Variants in FER observed in about 807,000 individuals in gnomAD.
FER encodes FER tyrosine kinase.
FER carries 63 observed loss-of-function variants against 111.0 expected under a neutral mutation model. The observed-to-expected ratio is 0.57, with a 90% CI of 0.46 to 0.70. The LOEUF (loss-of-function observed/expected upper bound fraction) is 0.70, where lower values mean the gene tolerates loss of function less well. FER is among the 30% of genes least tolerant of loss of function. The pLI is 0.00. For synonymous variants in FER, 327 were observed against 313.9 expected (o/e 1.04, Z -0.44); for missense variants, 914 against 954.0 (o/e 0.96, Z 0.55).
intron 13 of FER, among the ~76,000 whole-genome samples, chr5:108,976,385 A>G (rs1761341427): frequency 6.6e-6 from 1 of 152,180 alleles, no homozygotes. Flanking sequence ...TTGTGAAGCA[A>G]TGCAGGCCTC....
rs1357867483 is a variant in FER at position 108,970,024 on chromosome 5, A to G, written c.1656+10677A>G. Among the ~76,000 whole-genome samples the G allele has an allele frequency of 2.0e-5, 3 of 147,848 alleles. 1 individual carries two copies. The highest frequency in any genetic ancestry group is 8.0e-5 in the African/African-American group (3 of 37,306). On this transcript the variant is annotated intron_variant, in intron 13 of 19. Coordinates refer to ENST00000281092, the MANE Select transcript of FER (RefSeq NM_005246.4). ...GCTAATGTTTTGTAGAACACTATAG[A>G]GCAATGTTTTAAAAACTATTTTTCC...
At chr5:109,072,394 G>A (rs976790035) in intron 16 of FER, among the ~76,000 whole-genome samples, 1 of 149,254 alleles carries the variant, frequency 6.7e-6, no homozygotes, top group Non-Finnish European at 1.5e-5. Flanking sequence ...GGCAACAACC[G>A]CGATTACTTC....
intron 13 of FER, among the ~76,000 whole-genome samples, chr5:108,983,953 C>G (rs1438111515): frequency 6.6e-6 from 1 of 152,108 alleles, no homozygotes; most frequent in Non-Finnish European, 1.5e-5. Flanking sequence ...TTCTTGGTTT[C>G]TTTCATGCAG....
intron 8 of FER, 139 bp downstream of exon 8, chr5:108,872,351 A>G: frequency 1.4e-6 from 1 of 723,182 alleles, no homozygotes; most frequent in Non-Finnish European, 2.1e-6. Context: ...GTTTTGAGAA[A>G]TATGTTAATT....
Position 109,163,110 on chromosome 5 carries a change from C to A in FER, c.2049-17637C>A, listed in dbSNP as rs548224753. The stretch of plus-strand genomic sequence containing the variant: ...CTATGATCTCTAATGTCTAAATGAT[C>A]GACATTTAGATCATTTCATTAGAAC... On this transcript the variant is annotated intron_variant, in intron 17 of 19. Transcript: ENST00000281092. 4.6e-5 allele frequency among the ~76,000 whole-genome samples: 7 copies of A among 151,948 alleles called. No individual in the cohort carries two copies. The South Asian group carries it at 1.0e-3, about 23-fold the overall frequency.
At chr5:109,049,688 T>C (rs1772480837) in intron 16 of FER, among the ~76,000 whole-genome samples, 1 of 152,140 alleles carries the variant, frequency 6.6e-6, no homozygotes, top group Non-Finnish European at 1.5e-5. Flanking sequence ...TAGTTTAACA[T>C]GGAATGTCAA....
chr5:108,944,135 AC>A (rs1756659237), intron 10 of FER, among the ~76,000 whole-genome samples: 1 of 151,918 alleles, frequency 6.6e-6, no homozygotes, highest in Admixed American at 6.6e-5. Flanking sequence ...ACACACACAC[AC>A]ACACAAACAC....
intron 1 of FER, among the ~76,000 whole-genome samples, chr5:108,749,166 C>G (rs1750134036): frequency 6.6e-6 from 1 of 152,052 alleles, no homozygotes; most frequent in South Asian, 2.1e-4. Context: ...TTCCTCCGCC[C>G]TCAGCCAGCG....
At chr5:109,165,400 G>A (rs1008407201) in intron 17 of FER, among the ~76,000 whole-genome samples, 15 of 152,078 alleles carry the variant, frequency 9.9e-5, no homozygotes, top group Admixed American at 3.3e-4. Flanking sequence ...TAGAATCCTC[G>A]GAGTATGGCA....
chr5:108,839,533 C>T (rs1761021743), intron 5 of FER, among the ~76,000 whole-genome samples: 1 of 150,762 alleles, frequency 6.6e-6, no homozygotes, highest in East Asian at 1.9e-4. Flanking sequence ...AGAAAGTAGC[C>T]ACAGAGAAAT....
intron 10 of FER, 129 bp from the exon 11 acceptor site, chr5:108,946,001 C>T (rs949283178): frequency 3.4e-6 from 2 of 589,502 alleles, no homozygotes; most frequent in Non-Finnish European, 5.9e-6. Flanking sequence ...TCTTGAATGT[C>T]AGGAAGTTTA....
At chr5:108,966,237 G>A (rs567712239) in intron 13 of FER, among the ~76,000 whole-genome samples, 60 of 151,942 alleles carry the variant, frequency 3.9e-4, no homozygotes, top group African/African-American at 1.4e-3. Context: ...AAGGGAAATG[G>A]GCATAGGCAG....
At chr5:109,156,291 A>G (rs913070266) in intron 17 of FER, among the ~76,000 whole-genome samples, 2 of 152,068 alleles carry the variant, frequency 1.3e-5, no homozygotes, top group African/African-American at 4.8e-5. Context: ...TAAGGTGGAC[A>G]GGGTTTTTCA....
intron 13 of FER, among the ~76,000 whole-genome samples, chr5:109,001,836 A>G (rs1232170347): frequency 1.3e-5 from 2 of 151,588 alleles, no homozygotes; most frequent in Non-Finnish European, 2.9e-5. Flanking sequence ...CTTATACACC[A>G]ATAACAGACA....
intron 17 of FER, among the ~76,000 whole-genome samples, chr5:109,164,290 T>C (rs191640067): frequency 2.6e-4 from 40 of 152,322 alleles, no homozygotes; most frequent in Non-Finnish European, 3.8e-4. Context: ...TGCTGATTGT[T>C]TTCACATGGA....
chr5:109,086,647 A>G (rs1777598658), intron 16 of FER, among the ~76,000 whole-genome samples: 1 of 151,808 alleles, frequency 6.6e-6, no homozygotes, highest in East Asian at 1.9e-4. Context: ...TGACATAAGC[A>G]TTGAAAGCTG....
rs1333006693 is a variant in FER at position 109,071,943 on chromosome 5, A to C, written c.1924+24745A>C. 2.0e-5 allele frequency among the ~76,000 whole-genome samples: 3 copies of C among 151,700 alleles called. No homozygotes were observed. The East Asian group carries it at 5.8e-4, about 29-fold the overall frequency. On this transcript the variant is annotated intron_variant, in intron 16 of 19. Transcript: ENST00000281092. ...TTCTTCCTGAATATTTGCTAGTGAT[A>C]TATAACATTTTTTGACGATGGTCTC...
At chr5:108,908,269 G>A (rs1268948459) in intron 10 of FER, among the ~76,000 whole-genome samples, 1 of 152,162 alleles carries the variant, frequency 6.6e-6, no homozygotes, top group East Asian at 1.9e-4. Context: ...CTAATTTGCT[G>A]TAATAACTGT....
At chr5:109,104,537 G>C (rs944132414) in intron 17 of FER, among the ~76,000 whole-genome samples, 1 of 152,124 alleles carries the variant, frequency 6.6e-6, no homozygotes, top group Non-Finnish European at 1.5e-5. Flanking sequence ...GGATGGGTGT[G>C]TCACTGAATA....
Sources: gnomAD v4.1 joint callset for allele counts (sites outside exome capture counted in the v4.1 genomes callset) on GRCh38, gnomAD v4.1.1 for gene constraint, MANE v1.5 for transcripts, NCBI Gene and HGNC (gene_info 2026-07-23, HGNC 2026-07-21) for gene names.